Variants in TJAP1 observed in about 807,000 individuals in gnomAD.
The protein encoded by TJAP1 is tight junction associated protein 1.
A neutral mutation model predicts 42.0 loss-of-function variants in TJAP1; 27 were observed. That is an observed-to-expected ratio of 0.64 (90% CI 0.47 to 0.89). The LOEUF (loss-of-function observed/expected upper bound fraction) is 0.89. TJAP1 is among the 40% of genes least tolerant of loss of function. The pLI, the probability that TJAP1 is intolerant of heterozygous loss-of-function variation, is 0.00. For missense variants in TJAP1, 712 were observed against 726.9 expected (o/e 0.98, Z 0.24); for synonymous variants, 257 against 288.4 (o/e 0.89, Z 1.10).
chr6:43,497,919 G>T (rs147183987), exon 3 of TJAP1: 12 of 152,442 alleles, frequency 7.9e-5, no homozygotes, highest in Non-Finnish European at 1.6e-4. Context: ...CGTGGGATGC[G>T]GAGAGCCGAG....
chr6:43,496,693 A>G (rs750407830), intron 2 of TJAP1, among the ~76,000 whole-genome samples: 6 of 147,260 alleles, frequency 4.1e-5, no homozygotes, highest in Non-Finnish European at 9.0e-5. Flanking sequence ...TGGCCAGGGC[A>G]TGTCCCGACA....
intron 2 of TJAP1, among the ~76,000 whole-genome samples, chr6:43,496,539 T>C (rs1413421750): frequency 6.6e-6 from 1 of 152,230 alleles, no homozygotes; most frequent in Admixed American, 6.5e-5. Context: ...GTGCCTGTGC[T>C]GCCGCACCTC....
rs747312242 is a variant in TJAP1, at chr6:43,505,444, T to C, written c.1263T>C (p.Arg421=). The C allele has an allele frequency of 1.2e-6, 2 of 1,613,216 alleles. No individual in the cohort carries two copies. The highest frequency in any genetic ancestry group is 1.7e-5 in the Admixed American group (1 of 60,014). ...GCTGGCAGCGGGCATTTGTGGACCG[T>C]ACTCCACCACCTGCTGCTGTGGCCC... The change falls in exon 11 of 11, where the codon CGT becomes CGC. Residue 421 remains arginine, a synonymous_variant. Coordinates refer to ENST00000372449, the Ensembl canonical transcript of TJAP1. This position sits in a 1 kb window ranked among gnomAD's most constrained non-coding sequence, Gnocchi z 5.5.
chr6:43,481,970 C>T (rs531865317), intron 2 of TJAP1, among the ~76,000 whole-genome samples: 2 of 152,190 alleles, frequency 1.3e-5, no homozygotes, highest in Non-Finnish European at 2.9e-5. Flanking sequence ...TGGGCTTTCC[C>T]TGGGAACTCT....
chr6:43,480,023 G>T (rs1015193939), intron 2 of TJAP1, among the ~76,000 whole-genome samples: 2 of 152,070 alleles, frequency 1.3e-5, no homozygotes, highest in African/African-American at 4.8e-5. Flanking sequence ...TTTGCCATTT[G>T]TAGCTCTGTG....
chr6:43,481,687 G>C (rs1785355860), intron 2 of TJAP1, among the ~76,000 whole-genome samples: 1 of 152,092 alleles, frequency 6.6e-6, no homozygotes, highest in African/African-American at 2.4e-5. Flanking sequence ...GTTTGAAGAA[G>C]GCCCTGGCAG....
At chr6:43,503,283 G>A in intron 8 of TJAP1, 118 bp from the exon 9 acceptor site, 1 of 718,768 alleles carries the variant, frequency 1.4e-6, no homozygotes, top group South Asian at 1.7e-5. Flanking sequence ...TCTCTGCTCT[G>A]TCCGCCTTGG....
chr6:43,497,364 A>T (rs773215542), intron 2 of TJAP1: 4 of 152,224 alleles, frequency 2.6e-5, no homozygotes, highest in Non-Finnish European at 5.9e-5. Context: ...TCCTAGCCCT[A>T]TGCCTCCTCA....
At chr6:43,485,700 C>G (rs926261415) in intron 2 of TJAP1, among the ~76,000 whole-genome samples, 13 of 152,162 alleles carry the variant, frequency 8.5e-5, no homozygotes, top group African/African-American at 3.1e-4. Context: ...AGCTTTTTTA[C>G]TGAAGGCCAA....
At chr6:43,490,225 G>A (rs1381582377) in intron 2 of TJAP1, among the ~76,000 whole-genome samples, 4 of 152,112 alleles carry the variant, frequency 2.6e-5, no homozygotes, top group African/African-American at 7.2e-5. Flanking sequence ...CCCCCTTCAC[G>A]GCCACCTGCC....
intron 2 of TJAP1, among the ~76,000 whole-genome samples, chr6:43,488,949 G>A (rs1787178812): frequency 6.6e-6 from 1 of 152,160 alleles, no homozygotes; most frequent in Non-Finnish European, 1.5e-5. Flanking sequence ...GCCCACCTCT[G>A]TGGCCAGGGT....
intron 8 of TJAP1, chr6:43,503,036 TG>T: frequency 2.3e-6 from 1 of 444,162 alleles, no homozygotes; most frequent in Non-Finnish European, 4.1e-6. Context: ...AGCCTGATGC[TG>T]GAAACAGCTG....
rs780891199 is a variant in TJAP1 at position 43,505,690 on chromosome 6, CAG to C, written c.1510_1511del (p.Arg504GlyfsTer267). On this transcript the variant is annotated frameshift_variant, in exon 11 of 11. Coordinates refer to ENST00000372449, the Ensembl canonical transcript of TJAP1. LOFTEE classifies it high-confidence loss of function. The surrounding 1 kb of genome is among the most constrained non-coding windows in gnomAD (Gnocchi z 5.5). ...AGCGCCAGAGCCTGCTGCCCATTAA[CAG>C]GGGCACAGAGGAGGGGCCAGGCACT... The C allele has an allele frequency of 6.6e-5, 105 of 1,602,448 alleles. No homozygotes were observed. The highest frequency in any genetic ancestry group is 2.5e-4 in the Admixed American group (15 of 59,618).
chr6:43,490,670 G>A (rs1357753884), intron 2 of TJAP1, among the ~76,000 whole-genome samples: 1 of 152,208 alleles, frequency 6.6e-6, no homozygotes, highest in African/African-American at 2.4e-5. Context: ...AGGGACCCAT[G>A]TGAGATGTCA....
At chr6:43,498,698 C>T (rs1789810911) in intron 3 of TJAP1, among the ~76,000 whole-genome samples, 1 of 152,198 alleles carries the variant, frequency 6.6e-6, no homozygotes, top group Non-Finnish European at 1.5e-5. Context: ...CTTTGAAGCT[C>T]CCTGTCCCAC....
Position 43,495,450 on chromosome 6 carries a change from C to T in TJAP1, c.-121-2431C>T, listed in dbSNP as rs1788890538. ...GGAGCTAGGGCCTGGGTGTTGGGCA[C>T]ACCCTGTGTTTATGGACACAGGGCA... On this transcript the variant is annotated intron_variant, in intron 2 of 10. Transcript: ENST00000372449. This position sits in a 1 kb window ranked among gnomAD's most constrained non-coding sequence, Gnocchi z 4.6. Among the ~76,000 whole-genome samples the T allele has an allele frequency of 6.6e-6, 1 of 152,190 alleles. No individual in the cohort carries two copies. Among genetic ancestry groups the T allele is most frequent in the Non-Finnish European group, 1.5e-5 (1 of 68,014 alleles).
At chr6:43,481,490 C>A (rs1364645977) in intron 2 of TJAP1, among the ~76,000 whole-genome samples, 10 of 146,374 alleles carry the variant, frequency 6.8e-5, no homozygotes, top group African/African-American at 2.5e-4. Context: ...TCACCCCCCC[C>A]CCAAAAAAAA....
intron 2 of TJAP1, among the ~76,000 whole-genome samples, chr6:43,481,698 C>T (rs1381572613): frequency 1.3e-5 from 2 of 152,126 alleles, no homozygotes; most frequent in African/African-American, 4.8e-5. Flanking sequence ...GCCCTGGCAG[C>T]GGTGCTCAGT....
intron 8 of TJAP1, chr6:43,503,060 G>A: frequency 2.2e-6 from 1 of 452,862 alleles, no homozygotes; most frequent in Non-Finnish European, 4.0e-6. Flanking sequence ...CACATAGGAG[G>A]CTTCAGCCCC....
Sources: allele counts gnomAD v4.1 joint callset (sites outside exome capture counted in the v4.1 genomes callset), GRCh38; gene constraint gnomAD v4.1.1; non-coding constraint Gnocchi (gnomAD v3.1); transcripts MANE v1.5; gene names NCBI Gene and HGNC (gene_info 2026-07-23, HGNC 2026-07-21).